MEI4: variants seen among roughly 807,000 people sequenced by gnomAD.
MEI4 encodes meiotic double-stranded break formation protein 4, also known as meiosis-specific protein MEI4.
MEI4 carries 27 observed loss-of-function variants against 31.4 expected under a neutral mutation model. The ratio of observed to expected loss-of-function variants is 0.86; its 90% CI spans 0.63 to 1.19. The LOEUF is 1.19. Among genes scored for constraint, MEI4 ranks in the 50% most tolerant of loss-of-function variants. The pLI is 0.00. For synonymous variants in MEI4, 122 were observed against 145.4 expected (o/e 0.84, Z 1.16); for missense variants, 329 against 398.9 (o/e 0.82, Z 1.49).
At chr6:77,792,404 C>T (rs2127696568) in intron 3 of MEI4, among the ~76,000 whole-genome samples, 1 of 152,220 alleles carries the variant, frequency 6.6e-6, no homozygotes, top group Non-Finnish European at 1.5e-5. Flanking sequence ...AATGACAGTA[C>T]TGATTTACAC....
At chr6:77,790,459 T>C (rs1429816713) in intron 3 of MEI4, among the ~76,000 whole-genome samples, 1 of 151,718 alleles carries the variant, frequency 6.6e-6, no homozygotes, top group Non-Finnish European at 1.5e-5. Context: ...TTGGGTACAG[T>C]GTTTACTATT....
At chr6:77,848,766 T>C (rs1770544296) in intron 4 of MEI4, among the ~76,000 whole-genome samples, 1 of 152,208 alleles carries the variant, frequency 6.6e-6, no homozygotes, top group Admixed American at 6.6e-5. Context: ...ATGATTGCAG[T>C]ACTAACTAGA....
intron 2 of MEI4, among the ~76,000 whole-genome samples, chr6:77,697,650 G>A (rs933476295): frequency 1.3e-5 from 2 of 152,072 alleles, no homozygotes; most frequent in African/African-American, 4.8e-5. Flanking sequence ...TATAATTTCT[G>A]ATCTTTTACA....
chr6:77,911,890 T>G (rs1766443234), intron 4 of MEI4, among the ~76,000 whole-genome samples: 1 of 151,878 alleles, frequency 6.6e-6, no homozygotes, highest in South Asian at 2.1e-4. Context: ...GGTCTTTGCC[T>G]TAAAATCTTT....
chr6:77,920,385 C>T (rs929230020), intron 4 of MEI4, among the ~76,000 whole-genome samples: 7 of 151,918 alleles, frequency 4.6e-5, no homozygotes, highest in African/African-American at 7.2e-5. Flanking sequence ...ATAAACAGAG[C>T]CAAAGACAAA....
At chr6:77,902,308 A>G (rs1456181745) in intron 4 of MEI4, among the ~76,000 whole-genome samples, 1 of 152,116 alleles carries the variant, frequency 6.6e-6, no homozygotes, top group Non-Finnish European at 1.5e-5. Context: ...TACTATAGGC[A>G]TTTTAACAAT....
At chr6:77,905,071 A>G (rs915761579) in intron 4 of MEI4, among the ~76,000 whole-genome samples, 5 of 152,024 alleles carry the variant, frequency 3.3e-5, no homozygotes, top group African/African-American at 1.2e-4. Flanking sequence ...AATTTTTAAG[A>G]CAGTTCTGGG....
intron 2 of MEI4, among the ~76,000 whole-genome samples, chr6:77,707,254 C>T (rs988571103): frequency 2.6e-5 from 4 of 152,106 alleles, no homozygotes; most frequent in African/African-American, 7.2e-5. Flanking sequence ...TAGCAAAGAA[C>T]TTGACTGCAT....
At chr6:77,776,028 G>C (rs1768430289) in intron 3 of MEI4, among the ~76,000 whole-genome samples, 1 of 151,728 alleles carries the variant, frequency 6.6e-6, no homozygotes, top group Admixed American at 6.6e-5. Flanking sequence ...CCCACTTTTT[G>C]ATGGGATTTT....
At chr6:77,715,129 G>T (rs138829528) in intron 2 of MEI4, among the ~76,000 whole-genome samples, 1 of 152,088 alleles carries the variant, frequency 6.6e-6, no homozygotes, top group South Asian at 2.1e-4. Context: ...CTGGTGAGGC[G>T]AATCTATTTA....
chr6:77,728,479 C>T (rs1452185850), intron 2 of MEI4, among the ~76,000 whole-genome samples: 1 of 152,076 alleles, frequency 6.6e-6, no homozygotes, highest in Admixed American at 6.6e-5. Flanking sequence ...TGGAAGTCTA[C>T]CAGGAACAAG....
At position 77,811,337 on chromosome 6, in the gene MEI4, C is replaced by T. The variant is rs533156401; in HGVS notation, c.769-17594C>T. Among the ~76,000 whole-genome samples, 12 of 152,168 alleles carry T rather than the reference C, an allele frequency of 7.9e-5. No homozygotes were observed. In the South Asian group the frequency reaches 2.1e-3, roughly 26 times the overall value. ...TGATTCTGAGGATAGAAAGTCCAATCTAGAGAGAATGCTTAAAATACTATC... is the reference window on the plus strand; with the variant it reads ...TGATTCTGAGGATAGAAAGTCCAATTTAGAGAGAATGCTTAAAATACTATC... On this transcript the variant is annotated intron_variant, in intron 3 of 4. Coordinates refer to ENST00000684080, the MANE Select transcript of MEI4 (RefSeq NM_001322247.2).
At chr6:77,783,677 G>GT (rs1268988212) in intron 3 of MEI4, among the ~76,000 whole-genome samples, 7 of 151,920 alleles carry the variant, frequency 4.6e-5, no homozygotes, top group African/African-American at 1.2e-4. Context: ...GAATATCTCT[G>GT]TTTTTTTATG....
At chr6:77,775,428 T>C (rs1278580087) in intron 3 of MEI4, among the ~76,000 whole-genome samples, 1 of 152,098 alleles carries the variant, frequency 6.6e-6, no homozygotes, top group African/African-American at 2.4e-5. Flanking sequence ...AGTGAGAACA[T>C]ACAATGTCTG....
chr6:77,885,304 G>A (rs1391939790), intron 4 of MEI4, among the ~76,000 whole-genome samples: 1 of 151,440 alleles, frequency 6.6e-6, no homozygotes, highest in Non-Finnish European at 1.5e-5. Context: ...TCTCACTTTG[G>A]CCTCCCAGGT....
chr6:77,843,258 G>A (rs1770406988), intron 4 of MEI4, among the ~76,000 whole-genome samples: 1 of 151,744 alleles, frequency 6.6e-6, no homozygotes, highest in Admixed American at 6.6e-5. Flanking sequence ...TTAGAGCCAG[G>A]CAAATTATAT....
At chr6:77,872,558 AT>A in intron 4 of MEI4, among the ~76,000 whole-genome samples, 1 of 151,830 alleles carries the variant, frequency 6.6e-6, no homozygotes, top group African/African-American at 2.4e-5. Flanking sequence ...CAGGCAGTTT[AT>A]TTTTTTATTT....
chr6:77,678,517 T>C (rs1768886993), intron 1 of MEI4, among the ~76,000 whole-genome samples: 1 of 50,812 alleles, frequency 2.0e-5, no homozygotes, highest in African/African-American at 1.0e-4. Context: ...ATAATGAAGC[T>C]GAAAAATCCT....
At chr6:77,814,374 A>G (rs920810453) in intron 3 of MEI4, among the ~76,000 whole-genome samples, 28 of 150,222 alleles carry the variant, frequency 1.9e-4, no homozygotes, top group African/African-American at 6.8e-4. Flanking sequence ...AATCTTGCAA[A>G]AGGAAGAATT....
Sources: allele counts gnomAD v4.1 joint callset (sites outside exome capture counted in the v4.1 genomes callset), GRCh38; gene constraint gnomAD v4.1.1; transcripts MANE v1.5; gene names NCBI Gene and HGNC (gene_info 2026-07-23, HGNC 2026-07-21).